Variants in PLCXD3 observed in about 807,000 individuals in gnomAD.
PLCXD3 encodes phosphatidylinositol specific phospholipase C X domain containing 3, also known as PI-PLC X domain-containing protein 3.
A neutral mutation model predicts 25.5 loss-of-function variants in PLCXD3; 19 were observed. The ratio of observed to expected loss-of-function variants is 0.75; its 90% CI spans 0.52 to 1.09. PLCXD3 has a LOEUF of 1.09. Among genes scored for constraint, PLCXD3 ranks in the 50% least tolerant of loss-of-function variants. The pLI, the probability that PLCXD3 is intolerant of heterozygous loss-of-function variation, is 0.00. For synonymous variants in PLCXD3, 174 were observed against 137.6 expected, an observed-to-expected ratio of 1.26 and a Z score of -1.85; for missense variants, 411 against 388.1, an observed-to-expected ratio of 1.06 and a Z score of -0.50.
intron 2 of PLCXD3, among the ~76,000 whole-genome samples, chr5:41,337,555 C>A (rs1744020474): frequency 6.6e-6 from 1 of 152,130 alleles, no homozygotes; most frequent in Non-Finnish European, 1.5e-5. Context: ...AGAAATTTCA[C>A]TTTCTTTAGA....
rs35642506 is a variant in PLCXD3, at chr5:41,398,288, G to C, written c.104-15754C>G. 3.6e-3 allele frequency among the ~76,000 whole-genome samples: 545 copies of C among 152,292 alleles called. 1 individual carries two copies. Among genetic ancestry groups the C allele is most frequent in the Admixed American group, 5.6e-3 (86 of 15,298 alleles). ...TGGCTGTTTTTGTGATAGTGAGTGA[G>C]TCCTCATGAGATCTGGTTGTTTGAA... On this transcript the variant is annotated intron_variant, in intron 1 of 2. Coordinates refer to ENST00000377801, the MANE Select transcript of PLCXD3 (RefSeq NM_001005473.3).
intron 1 of PLCXD3, among the ~76,000 whole-genome samples, chr5:41,499,738 C>T (rs1000097841): frequency 1.3e-5 from 2 of 151,722 alleles, no homozygotes; most frequent in African/African-American, 4.8e-5. Flanking sequence ...GATATGAAAA[C>T]ATACTACAAA....
At chr5:41,368,892 A>C (rs1473183066) in intron 2 of PLCXD3, among the ~76,000 whole-genome samples, 2 of 152,166 alleles carry the variant, frequency 1.3e-5, no homozygotes, top group Admixed American at 6.6e-5. Flanking sequence ...GGACCATTGA[A>C]ACAGCCTTTC....
At chr5:41,331,723 T>C (rs1030894576) in intron 2 of PLCXD3, among the ~76,000 whole-genome samples, 4 of 152,148 alleles carry the variant, frequency 2.6e-5, no homozygotes, top group Non-Finnish European at 4.4e-5. Flanking sequence ...CAAAACAGCA[T>C]GGTACTGGTA....
At chr5:41,454,685 C>A (rs891640865) in intron 1 of PLCXD3, among the ~76,000 whole-genome samples, 3 of 151,874 alleles carry the variant, frequency 2.0e-5, no homozygotes, top group African/African-American at 7.3e-5. Flanking sequence ...GTGATGGAAG[C>A]AGAGACTAGA....
intron 2 of PLCXD3, among the ~76,000 whole-genome samples, chr5:41,316,064 C>T (rs1241965727): frequency 6.6e-6 from 1 of 152,184 alleles, no homozygotes. Context: ...CTCCCCTAAA[C>T]CCAGGCTGCA....
rs145875355 is a variant in PLCXD3 at position 41,373,985 on chromosome 5, A to G, written c.812+7841T>C. Among the ~76,000 whole-genome samples, 248 of 152,254 alleles carry G rather than the reference A, an allele frequency of 1.6e-3. 8 individuals are homozygous for G. In the South Asian group the frequency reaches 0.041, roughly 25 times the overall value. On this transcript the variant is annotated intron_variant, in intron 2 of 2. Transcript: ENST00000377801. Reference sequence around the variant, plus strand: ...AATCATTGATAGGTAGTTCTACCTGAGTGATACAGCAAGCAAATATGAACT... The same window carrying G: ...AATCATTGATAGGTAGTTCTACCTGGGTGATACAGCAAGCAAATATGAACT...
intron 1 of PLCXD3, among the ~76,000 whole-genome samples, chr5:41,388,965 T>C (rs1157251836): frequency 1.3e-5 from 2 of 151,360 alleles, no homozygotes; most frequent in Non-Finnish European, 2.9e-5. Flanking sequence ...ATAATTTATA[T>C]ATAAATGTAT....
In PLCXD3 at chr5:41,307,849, G is replaced by A. The variant is rs538982541; in HGVS notation, c.*5768C>T. 6 of 152,290 alleles carry A rather than the reference G, an allele frequency of 3.9e-5. No individual in the cohort carries two copies. The South Asian group carries it at 1.2e-3, about 32-fold the overall frequency. The allele number at this position is 152,290 out of a possible 1,614,324, so 9.4% of individuals were successfully genotyped here. A position where few individuals can be genotyped will look rare whatever the true frequency, so the allele number is the denominator to read the frequency against. On this transcript the variant is annotated 3_prime_UTR_variant, in exon 3 of 3. Coordinates refer to ENST00000377801, the MANE Select transcript of PLCXD3 (RefSeq NM_001005473.3). ...AATTTAAAAGAGGTCCTGGTACTGA[G>A]TTAGGCGGTGTTGCCACTTTTCAGG...
intron 2 of PLCXD3, among the ~76,000 whole-genome samples, chr5:41,376,662 A>T (rs1019536279): frequency 1.3e-5 from 2 of 152,114 alleles, no homozygotes; most frequent in African/African-American, 4.8e-5. Flanking sequence ...TGTCAAAGCC[A>T]GCCAAAATCT....
rs146074758 is a variant in PLCXD3 at position 41,413,715 on chromosome 5, T to C, written c.104-31181A>G. On this transcript the variant is annotated intron_variant, in intron 1 of 2. Transcript: ENST00000377801. The stretch of plus-strand genomic sequence containing the variant: ...GTTTAGGCAATGGTCATCACACTTA[T>C]GAGGTGAAAGAAGGGCTTTTAATCT... Among the ~76,000 whole-genome samples the C allele has an allele frequency of 3.5e-4, 53 of 152,268 alleles. No individual in the cohort carries two copies. The East Asian group carries it at 6.2e-3, about 18-fold the overall frequency.
At chr5:41,414,791 C>A (rs911887652) in intron 1 of PLCXD3, among the ~76,000 whole-genome samples, 24 of 152,288 alleles carry the variant, frequency 1.6e-4, no homozygotes, top group Admixed American at 7.2e-4. Flanking sequence ...TGAGTCATCC[C>A]TTTGTCCAGT....
At chr5:41,359,423 A>G (rs1319605044) in intron 2 of PLCXD3, among the ~76,000 whole-genome samples, 1 of 152,054 alleles carries the variant, frequency 6.6e-6, no homozygotes, top group Non-Finnish European at 1.5e-5. Context: ...GAGTTTCTAT[A>G]TCTTCCTGGT....
intron 1 of PLCXD3, among the ~76,000 whole-genome samples, chr5:41,417,741 T>C (rs1223402018): frequency 6.6e-6 from 1 of 152,122 alleles, no homozygotes; most frequent in Admixed American, 6.5e-5. Context: ...TGAGCAAACC[T>C]GGAGGGTAGG....
chr5:41,492,148 A>G (rs1748714132), intron 1 of PLCXD3, among the ~76,000 whole-genome samples: 1 of 152,136 alleles, frequency 6.6e-6, no homozygotes, highest in African/African-American at 2.4e-5. Context: ...AAAATCTCTC[A>G]GCATTTGCTT....
chr5:41,354,904 C>T (rs1744574912), intron 2 of PLCXD3, among the ~76,000 whole-genome samples: 2 of 152,176 alleles, frequency 1.3e-5, no homozygotes, highest in South Asian at 4.1e-4. Context: ...ATAATATGAA[C>T]CATTATTCTT....
intron 2 of PLCXD3, among the ~76,000 whole-genome samples, chr5:41,324,253 T>A (rs537502744): frequency 1.3e-5 from 2 of 152,228 alleles, no homozygotes; most frequent in Admixed American, 1.3e-4. Flanking sequence ...TAAGAAGAGC[T>A]GAGTGAGATT....
At chr5:41,465,903 T>A (rs2150518508) in intron 1 of PLCXD3, among the ~76,000 whole-genome samples, 1 of 152,218 alleles carries the variant, frequency 6.6e-6, no homozygotes, top group Admixed American at 6.5e-5. Context: ...TTAAATGAGT[T>A]TTTAAGCCCC....
At position 41,308,028 on chromosome 5, in the gene PLCXD3, A is replaced by T. The variant is rs1469496094; in HGVS notation, c.*5589T>A. ...ATCCTATGAAGATATTTACTTGATTATCCCATCTGTATTTGAGTTCGTCCT... is the reference window on the plus strand; with the variant it reads ...ATCCTATGAAGATATTTACTTGATTTTCCCATCTGTATTTGAGTTCGTCCT... On this transcript the variant is annotated 3_prime_UTR_variant, in exon 3 of 3. Coordinates refer to ENST00000377801, the MANE Select transcript of PLCXD3 (RefSeq NM_001005473.3). 1 of 152,122 alleles carries T rather than the reference A, an allele frequency of 6.6e-6. No homozygotes were observed. The highest frequency in any genetic ancestry group is 6.6e-5 in the Admixed American group (1 of 15,246). 9.4% of individuals were successfully genotyped at this position (152,122 alleles called of 1,614,324 possible).
Sources: gnomAD v4.1 joint callset for allele counts (sites outside exome capture counted in the v4.1 genomes callset) on GRCh38, gnomAD v4.1.1 for gene constraint, MANE v1.5 for transcripts, NCBI Gene and HGNC (gene_info 2026-07-23, HGNC 2026-07-21) for gene names.